The following PRKDC variants were observed in gnomAD, a reference collection of about 807,000 sequenced individuals.
The protein encoded by PRKDC is DNA-dependent protein kinase catalytic subunit.
In PRKDC, 82 loss-of-function variants were observed where a neutral mutation model predicts 486.9. The ratio of observed to expected loss-of-function variants is 0.17; its 90% CI spans 0.14 to 0.20. The LOEUF is 0.20. PRKDC is among the 10% of genes least tolerant of loss of function. The pLI is 1.00. For missense variants in PRKDC, 4,504 were observed against 5,038.2 expected, an observed-to-expected ratio of 0.89 and a Z score of 3.21; for synonymous variants, 1,895 against 1,837.0, an observed-to-expected ratio of 1.03 and a Z score of -0.81.
chr8:47,930,351 C>A (rs1396657406), intron 17 of PRKDC, among the ~76,000 whole-genome samples: 1 of 152,208 alleles, frequency 6.6e-6, no homozygotes, highest in Non-Finnish European at 1.5e-5. Context: ...CGGCTCACTG[C>A]AAGCTCCACC....
chr8:47,797,985 C>A (rs1356848681), intron 73 of PRKDC, among the ~76,000 whole-genome samples: 1 of 152,192 alleles, frequency 6.6e-6, no homozygotes, highest in Non-Finnish European at 1.5e-5. Context: ...TCCCACACAC[C>A]CCGTCTCCAT....
intron 40 of PRKDC, among the ~76,000 whole-genome samples, chr8:47,874,657 G>A (rs2089050345): frequency 2.0e-5 from 3 of 152,054 alleles, no homozygotes; most frequent in Admixed American, 2.0e-4. Context: ...TACTCAGCAG[G>A]CTGAGGCACA....
intron 25 of PRKDC, among the ~76,000 whole-genome samples, chr8:47,909,256 T>C (rs1289796248): frequency 1.3e-5 from 2 of 152,254 alleles, no homozygotes; most frequent in Non-Finnish European, 2.9e-5. Context: ...GAAGATTTCA[T>C]GGACATTTAT....
chr8:47,777,913 CAGAACTCTCA>C, intron 83 of PRKDC, 39 bp from the exon 84 acceptor site: 1 of 1,581,812 alleles, frequency 6.3e-7, no homozygotes. Context: ...ATATGTAAGC[CAGAACTCTCA>C]AAGTACCGAG....
chr8:47,953,971 T>C, intron 5 of PRKDC, 52 bp from the exon 6 acceptor site: 3 of 982,854 alleles, frequency 3.1e-6, no homozygotes, highest in Non-Finnish European at 4.5e-6. Flanking sequence ...TTTAAATAAG[T>C]TAAACTAACC....
chr8:47,944,571 C>T (rs955680373), intron 7 of PRKDC, among the ~76,000 whole-genome samples: 1 of 150,760 alleles, frequency 6.6e-6, no homozygotes, highest in African/African-American at 2.4e-5. Context: ...TGATCTTTGA[C>T]CTCAGCATAC....
At chr8:47,941,821 A>G (rs1453502016) in intron 10 of PRKDC, among the ~76,000 whole-genome samples, 1 of 152,238 alleles carries the variant, frequency 6.6e-6, no homozygotes, top group Non-Finnish European at 1.5e-5. Flanking sequence ...CGAGGTAGAG[A>G]TTAGCAGGTA....
intron 64 of PRKDC, among the ~76,000 whole-genome samples, chr8:47,822,769 GAC>G (rs746955535): frequency 7.1e-4 from 108 of 152,210 alleles, no homozygotes; most frequent in Middle Eastern, 3.4e-3. Flanking sequence ...CAGCGTGGGC[GAC>G]AGAGTGAGAC....
At chr8:47,780,129 G>A (rs2086674417) in intron 80 of PRKDC, among the ~76,000 whole-genome samples, 1 of 151,026 alleles carries the variant, frequency 6.6e-6, no homozygotes, top group South Asian at 2.1e-4. Flanking sequence ...TGACCAGACT[G>A]GTCTCGAATT....
At chr8:47,928,426 T>A (rs955585305) in intron 19 of PRKDC, among the ~76,000 whole-genome samples, 1 of 152,158 alleles carries the variant, frequency 6.6e-6, no homozygotes, top group Non-Finnish European at 1.5e-5. Context: ...GTGCTAGGAT[T>A]ACAGGCACGA....
intron 10 of PRKDC, 145 bp downstream of exon 10, chr8:47,943,064 G>T: frequency 9.5e-7 from 1 of 1,054,830 alleles, no homozygotes. Context: ...CTCCCATATG[G>T]CTGGCTGATC....
chr8:47,959,856 T>G (rs1251478799), intron 1 of PRKDC, 117 bp downstream of exon 1: 16 of 1,443,014 alleles, frequency 1.1e-5, no homozygotes, highest in African/African-American at 7.2e-5. Context: ...CCCAAGAATC[T>G]AATTGCTGTA....
chr8:47,921,496 T>C (rs1177239187), intron 21 of PRKDC, among the ~76,000 whole-genome samples: 2 of 152,148 alleles, frequency 1.3e-5, no homozygotes, highest in African/African-American at 4.8e-5. Context: ...GAAATACTGA[T>C]GAAAAGGCAC....
At chr8:47,956,611 G>C (rs777003535) in intron 3 of PRKDC, among the ~76,000 whole-genome samples, 1 of 151,568 alleles carries the variant, frequency 6.6e-6, no homozygotes, top group African/African-American at 2.4e-5. Context: ...GCTGAGGTGT[G>C]AGAATCACCT....
At chr8:47,912,315 C>T in intron 25 of PRKDC, 95 bp downstream of exon 25, 1 of 1,334,774 alleles carries the variant, frequency 7.5e-7, no homozygotes, top group Non-Finnish European at 9.9e-7. Flanking sequence ...TCGTTCCTAA[C>T]CATCTCCAGG....
chr8:47,815,191 G>A (rs145109814), intron 68 of PRKDC, among the ~76,000 whole-genome samples: 12 of 152,130 alleles, frequency 7.9e-5, no homozygotes, highest in South Asian at 2.1e-4. Context: ...ACTTCAAAAC[G>A]TACTATAAAG....
At chr8:47,879,199 C>T (rs901988871) in intron 39 of PRKDC, among the ~76,000 whole-genome samples, 5 of 152,140 alleles carry the variant, frequency 3.3e-5, no homozygotes, top group Admixed American at 3.3e-4. Context: ...CCAGTGGATT[C>T]ACATATACTC....
At chr8:47,822,156 G>A (rs750756080) in intron 64 of PRKDC, among the ~76,000 whole-genome samples, 82 of 152,142 alleles carry the variant, frequency 5.4e-4, no homozygotes, top group Non-Finnish European at 9.0e-4. Context: ...AGCTAGGTAC[G>A]ATGGCAAGCA....
At chr8:47,823,088 G>C (rs930397581) in intron 64 of PRKDC, among the ~76,000 whole-genome samples, 3 of 152,026 alleles carry the variant, frequency 2.0e-5, no homozygotes, top group Non-Finnish European at 4.4e-5. Context: ...AGTGATCCTA[G>C]CACTTTGGGA....
Sources: gnomAD v4.1 joint callset for allele counts (sites outside exome capture counted in the v4.1 genomes callset) on GRCh38, gnomAD v4.1.1 for gene constraint, MANE v1.5 for transcripts, NCBI Gene and HGNC (gene_info 2026-07-23, HGNC 2026-07-21) for gene names.